The following DOK7 variants were observed in gnomAD, a reference collection of about 807,000 sequenced individuals.
DOK7 encodes docking protein 7.
In DOK7, 32 loss-of-function variants were observed where a neutral mutation model predicts 30.7. The ratio of observed to expected loss-of-function variants is 1.04; its 90% CI spans 0.79 to 1.40. DOK7 has a LOEUF of 1.40. Among genes scored for constraint, DOK7 ranks in the 40% most tolerant of loss-of-function variants. The probability of loss-of-function intolerance (pLI) is 0.00; values close to 1 mark genes in which losing one functional copy is unlikely to be tolerated. For synonymous variants in DOK7, 447 were observed against 324.1 expected (o/e 1.38, Z -4.07); for missense variants, 1,007 against 699.2 (o/e 1.44, Z -4.97).
Position 3,491,031 on chromosome 4 carries a change from TC to T in DOK7, c.772+1242del, listed in dbSNP as rs200086860. ...TCTTCCTGCTCATTCATTCCTTCCTTCCCCCCCATTCCTTCCTTTCTTTTCC... is the reference window on the plus strand; with the variant it reads ...TCTTCCTGCTCATTCATTCCTTCCTTCCCCCCATTCCTTCCTTTCTTTTCC... On this transcript the variant is annotated intron_variant, in intron 6 of 6. Transcript: ENST00000340083. Among the ~76,000 whole-genome samples the T allele has an allele frequency of 3.9e-3, 284 of 73,398 alleles. 6 individuals are homozygous for T. The East Asian group carries it at 0.046, about 12-fold the overall frequency. 48.2% of individuals were successfully genotyped at this position (73,398 alleles called of 152,430 possible).
At chr4:3,469,174 T>C (rs954550329) in intron 2 of DOK7, among the ~76,000 whole-genome samples, 21 of 151,664 alleles carry the variant, frequency 1.4e-4, no homozygotes, top group Admixed American at 6.6e-4. Context: ...TGTGTGTGTG[T>C]GCGTCTGTGT....
chr4:3,490,933 TCCCCTGCTCATTCATTCCTTCTC>T lies in DOK7; in HGVS notation c.772+1150_772+1172del, dbSNP rs1159667064. Among the ~76,000 whole-genome samples the T allele has an allele frequency of 1.9e-4, 17 of 91,080 alleles. 1 individual carries two copies. The highest frequency in any genetic ancestry group is 4.5e-4 in the South Asian group (1 of 2,224). 59.8% of individuals were successfully genotyped at this position (91,080 alleles called of 152,430 possible). A position where few individuals can be genotyped will look rare whatever the true frequency, so the allele number is the denominator to read the frequency against. ...CTCTGCTCATTCATTCCTTCCTTCT[TCCCCTGCTCATTCATTCCTTCTC>T]CCCCTGCTCATTTCTTCATTTCCCT... On this transcript the variant is annotated intron_variant, in intron 6 of 6. Coordinates refer to ENST00000340083, the MANE Select transcript of DOK7 (RefSeq NM_173660.5).
intron 5 of DOK7, among the ~76,000 whole-genome samples, chr4:3,486,118 C>T (rs1305823674): frequency 6.6e-6 from 1 of 151,988 alleles, no homozygotes; most frequent in Non-Finnish European, 1.5e-5. Flanking sequence ...CCAAGGCCAC[C>T]TCGGGAGGTC....
At chr4:3,501,130 C>T in exon 8 of DOK7, 1 of 423,796 alleles carries the variant, frequency 2.4e-6, no homozygotes, top group East Asian at 4.3e-5. Context: ...GCATCTCAGG[C>T]AGAGGCTGCT....
At chr4:3,466,037 G>T (rs1726242419) in intron 2 of DOK7, among the ~76,000 whole-genome samples, 1 of 152,184 alleles carries the variant, frequency 6.6e-6, no homozygotes, top group Non-Finnish European at 1.5e-5. Flanking sequence ...GCTGCCCCTG[G>T]GGGCTTCATC....
chr4:3,500,448 G>A (rs571416136), intron 7 of DOK7: 6 of 1,529,838 alleles, frequency 3.9e-6, no homozygotes, highest in Middle Eastern at 3.8e-4. Context: ...TGGGGGCTGG[G>A]ACCACAGCCT....
chr4:3,479,053 A>G (rs570151927), intron 4 of DOK7, among the ~76,000 whole-genome samples: 3 of 152,246 alleles, frequency 2.0e-5, no homozygotes, highest in Non-Finnish European at 4.4e-5. Flanking sequence ...AGTGTCCAGA[A>G]CGGGTTCCTT....
intron 2 of DOK7, among the ~76,000 whole-genome samples, chr4:3,468,657 AGTGTGTGTGCCT>A (rs1726501770): frequency 3.1e-5 from 3 of 96,852 alleles, no homozygotes; most frequent in African/African-American, 7.7e-5. Context: ...TGCATGTATG[AGTGTGTGTGCCT>A]GTGTGCATGC....
At chr4:3,500,845 G>C in exon 8 of DOK7, 1 of 1,521,582 alleles carries the variant, frequency 6.6e-7, no homozygotes, top group African/African-American at 1.4e-5. Flanking sequence ...GCCAGGAGCT[G>C]ACCGCAAACC....
chr4:3,490,594 C>T (rs1255441203), intron 6 of DOK7, among the ~76,000 whole-genome samples: 2 of 34,618 alleles, frequency 5.8e-5, no homozygotes, highest in Non-Finnish European at 9.4e-5. Flanking sequence ...CTCATTCCTT[C>T]ATTTCTTCTC....
chr4:3,500,206 C>A (rs780592995), intron 6 of DOK7: 5 of 1,528,186 alleles, frequency 3.3e-6, no homozygotes, highest in Middle Eastern at 1.7e-4. Context: ...GAGATCTGTG[C>A]CCCTCTCGGT....
chr4:3,468,187 G>GT (rs946843852), intron 2 of DOK7, among the ~76,000 whole-genome samples: 1 of 143,470 alleles, frequency 7.0e-6, no homozygotes, highest in African/African-American at 2.8e-5. Context: ...TGTGTGTGGG[G>GT]GTGTGTGTGC....
In DOK7 at chr4:3,476,504, G is replaced by T. The variant is rs1337228970; in HGVS notation, c.494G>T (p.Ser165Ile). 6.2e-7 allele frequency: 1 copy of T among 1,613,924 alleles called. No individual in the cohort carries two copies. ...CTCCGGCGCTACGGGGCCGTGCCAA[G>T]CGGATTCATCTTTGAAGGCGGGACC... ...SDLRRYGAVPSGFIFEGGTRC... is the reference protein window; with the variant it reads ...SDLRRYGAVPIGFIFEGGTRC... The change falls in exon 4 of 7, where the codon AGC (serine) becomes ATC (isoleucine). Residue 165 changes from serine (S) to isoleucine (I), a missense_variant. Transcript: ENST00000340083.
intron 7 of DOK7, chr4:3,500,421 G>A (rs1050739359): frequency 5.2e-6 from 8 of 1,535,090 alleles, no homozygotes; most frequent in African/African-American, 4.1e-5. Flanking sequence ...CCCGCCCTGC[G>A]TGGAGGCACT....
chr4:3,491,282 C>T (rs1728404236), intron 6 of DOK7, among the ~76,000 whole-genome samples: 1 of 101,876 alleles, frequency 9.8e-6, no homozygotes, highest in Non-Finnish European at 1.9e-5. Flanking sequence ...TTCATTCCTT[C>T]CTCCGCCCCC....
chr4:3,465,490 C>T (rs1208432036), intron 2 of DOK7, among the ~76,000 whole-genome samples: 3 of 152,228 alleles, frequency 2.0e-5, no homozygotes, highest in South Asian at 2.1e-4. Flanking sequence ...GTCCCGTCTG[C>T]TTCCTTGTAA....
Position 3,493,800 on chromosome 4 carries a change from C to G in DOK7, c.*299C>G, listed in dbSNP as rs369255499. 276 of 1,324,736 alleles carry G rather than the reference C, an allele frequency of 2.1e-4. 1 individual carries two copies. In the African/African-American group the frequency reaches 3.8e-3, roughly 18 times the overall value. The allele number at this position is 1,324,736 out of a possible 1,614,324, so 82.1% of individuals were successfully genotyped here. A position where few individuals can be genotyped will look rare whatever the true frequency, so the allele number is the denominator to read the frequency against. On this transcript the variant is annotated 3_prime_UTR_variant, in exon 7 of 7. Coordinates refer to ENST00000340083, the MANE Select transcript of DOK7 (RefSeq NM_173660.5). ...ACCCCTGAGGATCAGGTGAGTGCTG[C>G]ACCTCTGTTGGCTCGTGCCTTGCAC...
Position 3,494,397 on chromosome 4 carries a change from G to GA in DOK7, c.*898dup, listed in dbSNP as rs1728776522. On this transcript the variant is annotated 3_prime_UTR_variant, in exon 7 of 7. Transcript: ENST00000340083. ...TGACCACAGCCCAGCAGCTCCCTGT[G>GA]AACACCTCTTTGTCCCTTCACTGTC... 2 of 985,794 alleles carry GA rather than the reference G, an allele frequency of 2.0e-6. No homozygotes were observed. Among genetic ancestry groups the GA allele is most frequent in the African/African-American group, 3.5e-5 (2 of 57,262 alleles). 61.1% of individuals were successfully genotyped at this position (985,794 alleles called of 1,614,324 possible).
At chr4:3,485,986 C>T (rs906332785) in intron 5 of DOK7, among the ~76,000 whole-genome samples, 4 of 152,220 alleles carry the variant, frequency 2.6e-5, no homozygotes, top group Admixed American at 2.0e-4. Context: ...TCTGACCCAC[C>T]ACCACCATCT....
Sources: gnomAD v4.1 joint callset for allele counts (sites outside exome capture counted in the v4.1 genomes callset) on GRCh38, gnomAD v4.1.1 for gene constraint, MANE v1.5 for transcripts, NCBI Gene and HGNC (gene_info 2026-07-23, HGNC 2026-07-21) for gene names.